ZFR2: variants seen among roughly 807,000 people sequenced by gnomAD.
ZFR2 encodes zinc finger RNA binding protein 2.
ZFR2 carries 104 observed loss-of-function variants against 105.7 expected under a neutral mutation model. The ratio of observed to expected loss-of-function variants is 0.98; its 90% confidence interval spans 0.84 to 1.16. The LOEUF is 1.16. Among genes scored for constraint, ZFR2 ranks in the 50% most tolerant of loss-of-function variants. The probability of loss-of-function intolerance (pLI) is 0.00; values close to 1 mark genes in which losing one functional copy is unlikely to be tolerated. For missense variants in ZFR2, 1,425 were observed against 1,355.5 expected, an observed-to-expected ratio of 1.05 and a Z score of -0.80; for synonymous variants, 634 against 597.7, an observed-to-expected ratio of 1.06 and a Z score of -0.89.
intron 15 of ZFR2, 46 bp downstream of exon 15, chr19:3,811,225 TC>T (rs759760386): frequency 6.7e-7 from 1 of 1,489,070 alleles, no homozygotes; most frequent in South Asian, 1.3e-5. Flanking sequence ...TGAGCTACGT[TC>T]CTCAAAGTCA....
In ZFR2 at chr19:3,808,887, C is replaced by T. The variant is rs749920821; in HGVS notation, c.2530G>A (p.Gly844Arg). 1 of 1,554,570 alleles carries T rather than the reference C, an allele frequency of 6.4e-7. No homozygotes were observed. Among genetic ancestry groups the T allele is most frequent in the South Asian group, 1.2e-5 (1 of 84,484 alleles). ...VRRVLECVAT[G>R]TLLTDGPGLQ... ...AGCGACTGACCTGTCAGGAGCGTCCCTGTGGCCACGCACTCCAGGACTCGC... is the reference window on the plus strand; with the variant it reads ...AGCGACTGACCTGTCAGGAGCGTCCTTGTGGCCACGCACTCCAGGACTCGC... The change falls in exon 17 of 19, where the codon GGG becomes AGG. Residue 844 changes from glycine (G) to arginine (R), a missense_variant. Physicochemically the swap from Gly to Arg is moderately radical, Grantham distance 125 (BLOSUM62 -2). Coordinates refer to ENST00000262961, the MANE Select transcript of ZFR2 (RefSeq NM_015174.2).
chr19:3,832,633 T>TGTG (rs200875785), intron 3 of ZFR2, among the ~76,000 whole-genome samples: 2,322 of 148,182 alleles, frequency 0.016, 57 homozygotes, highest in African/African-American at 0.055. Context: ...ATTTTGTTTT[T>TGTG]TTTTTTTATT....
rs548830152 is a variant in ZFR2 at position 3,834,734 on chromosome 19, C to T, written c.264+39G>A. On this transcript the variant is annotated intron_variant, in intron 2 of 18. Transcript: ENST00000262961. This position sits in a 1 kb window ranked among gnomAD's most constrained non-coding sequence, Gnocchi z 5.3. The stretch of plus-strand genomic sequence containing the variant: ...GCTCTCACCCATGCAAGGCGACCCA[C>T]GTTTCCCGGCAACGCTGGTCAAAGA... The T allele has an allele frequency of 5.2e-5, 83 of 1,599,298 alleles. No individual in the cohort carries two copies. The East Asian group carries it at 1.3e-3, about 25-fold the overall frequency.
chr19:3,811,698 T>A (rs2037766915), intron 14 of ZFR2, among the ~76,000 whole-genome samples: 1 of 151,970 alleles, frequency 6.6e-6, no homozygotes, highest in South Asian at 2.1e-4. Context: ...CAGGTGATCC[T>A]CCCACCTCAG....
In ZFR2 at chr19:3,839,265, G is replaced by T. The variant is rs932858624; in HGVS notation, c.54-4282C>A. Among the ~76,000 whole-genome samples the T allele has an allele frequency of 2.0e-5, 3 of 152,210 alleles. 1 individual carries two copies. Among genetic ancestry groups the T allele is most frequent in the Middle Eastern group, 6.8e-3 (2 of 294 alleles). On this transcript the variant is annotated intron_variant, in intron 1 of 18. Transcript: ENST00000262961. Reference sequence around the variant, plus strand: ...GAAAGTGGTCCAGGCCGGGCACATGGCTCACACCTGTCATCCCAGTACTTT... The same window carrying T: ...GAAAGTGGTCCAGGCCGGGCACATGTCTCACACCTGTCATCCCAGTACTTT...
intron 5 of ZFR2, among the ~76,000 whole-genome samples, chr19:3,830,913 G>A (rs529940954): frequency 3.3e-5 from 5 of 151,614 alleles, no homozygotes; most frequent in South Asian, 2.1e-4. Context: ...ACACACGGGC[G>A]CATGCACACA....
chr19:3,808,396 G>A (rs1245190787), intron 17 of ZFR2, among the ~76,000 whole-genome samples: 4 of 152,220 alleles, frequency 2.6e-5, no homozygotes, highest in Admixed American at 1.3e-4. Flanking sequence ...GTATCTGGCC[G>A]CCACCCTCTC....
At chr19:3,845,394 G>A (rs985592719) in intron 1 of ZFR2, among the ~76,000 whole-genome samples, 6 of 151,676 alleles carry the variant, frequency 4.0e-5, no homozygotes, top group Admixed American at 6.6e-5. Context: ...GGCCGAGGCA[G>A]GAAGATGGCT....
intron 16 of ZFR2, 52 bp from the exon 17 acceptor site, chr19:3,809,035 G>A (rs1033416504): frequency 2.8e-6 from 4 of 1,415,410 alleles, no homozygotes; most frequent in Non-Finnish European, 3.8e-6. Context: ...GGCAGCCCCT[G>A]CCTGCCCGGG....
chr19:3,811,485 C>T (rs2037765025), intron 14 of ZFR2, 119 bp from the exon 15 acceptor site: 1 of 869,382 alleles, frequency 1.2e-6, no homozygotes, highest in East Asian at 2.8e-5. Context: ...GACACAGTTT[C>T]ACTGTGTCAC....
intron 1 of ZFR2, among the ~76,000 whole-genome samples, chr19:3,863,515 C>T (rs1328293147): frequency 6.6e-6 from 1 of 152,120 alleles, no homozygotes; most frequent in East Asian, 1.9e-4. Flanking sequence ...GTAGCTTCAA[C>T]TTCCTGGCCT....
intron 1 of ZFR2, among the ~76,000 whole-genome samples, chr19:3,847,014 C>T (rs1295821549): frequency 6.6e-6 from 1 of 152,230 alleles, no homozygotes; most frequent in Non-Finnish European, 1.5e-5. Flanking sequence ...GGATCTGCTT[C>T]CAAGATGCCT....
Position 3,834,925 on chromosome 19 carries a change from T to C in ZFR2, c.112A>G (p.Thr38Ala), listed in dbSNP as rs1328775367. Residue 38 changes from threonine (T) to alanine (A), a missense_variant, in exon 2 of 19, where the codon ACT becomes GCT. Thr to Ala is a moderately conservative substitution (Grantham distance 58). Coordinates refer to ENST00000262961, the MANE Select transcript of ZFR2 (RefSeq NM_015174.2). The surrounding 1 kb of genome is among the most constrained non-coding windows in gnomAD (Gnocchi z 5.3). ...TVGASYTAQP[T>A]PGMDPAVNPA... ...TTCACGGCAGGGTCCATCCCAGGAG[T>C]GGGTTGTGCAGTATAGCTGGCCCCC... The C allele has an allele frequency of 1.2e-6, 2 of 1,611,162 alleles. No homozygotes were observed. Among genetic ancestry groups the C allele is most frequent in the Non-Finnish European group, 1.7e-6 (2 of 1,178,934 alleles).
At chr19:3,837,190 T>G (rs1414508572) in intron 1 of ZFR2, among the ~76,000 whole-genome samples, 1 of 152,128 alleles carries the variant, frequency 6.6e-6, no homozygotes, top group East Asian at 1.9e-4. Context: ...CAGGTTGGAG[T>G]GCAGTGGTGC....
At chr19:3,840,830 T>C (rs1294554104) in intron 1 of ZFR2, among the ~76,000 whole-genome samples, 8 of 152,302 alleles carry the variant, frequency 5.3e-5, no homozygotes, top group Non-Finnish European at 1.2e-4. Flanking sequence ...GGCTGAGCAC[T>C]TAAAATATGG....
chr19:3,807,791 CCT>C (rs1323806186), intron 17 of ZFR2, among the ~76,000 whole-genome samples: 1 of 145,602 alleles, frequency 6.9e-6, no homozygotes, highest in Non-Finnish European at 1.5e-5. Flanking sequence ...TGCATGTGCG[CCT>C]GTGTGTGCAA....
chr19:3,855,492 C>A, intron 1 of ZFR2: 1 of 1,217,032 alleles, frequency 8.2e-7, no homozygotes, highest in Non-Finnish European at 1.0e-6. Flanking sequence ...TGGGGACCAG[C>A]TGCTGTCATG....
intron 13 of ZFR2, among the ~76,000 whole-genome samples, chr19:3,816,340 G>A (rs1184825169): frequency 6.6e-6 from 1 of 151,662 alleles, no homozygotes; most frequent in Non-Finnish European, 1.5e-5. Flanking sequence ...CTGCCTCCGG[G>A]ATTTAAGTGA....
chr19:3,825,356 C>T lies in ZFR2; in HGVS notation c.1087G>A (p.Ala363Thr). 1.3e-6 allele frequency: 2 copies of T among 1,591,986 alleles called. No homozygotes were observed. Among genetic ancestry groups the T allele is most frequent in the Non-Finnish European group, 8.5e-7 (1 of 1,171,490 alleles). The change falls in exon 7 of 19, where the codon GCA becomes ACA. Residue 363 changes from alanine (A) to threonine (T), a missense_variant. By Grantham distance (58) the Ala-to-Thr change is moderately conservative. Coordinates refer to ENST00000262961, the MANE Select transcript of ZFR2 (RefSeq NM_015174.2). Reference protein sequence around the residue: ...LGKPIPTLEPALATESPPGAE... With the variant: ...LGKPIPTLEPTLATESPPGAE... ...CCGGGGGGGCTCTCTGTGGCCAGTG[C>T]AGGCTCGAGGGTGGGAATGGGCTTC...
Sources: gnomAD v4.1 joint callset for allele counts (sites outside exome capture counted in the v4.1 genomes callset) on GRCh38, gnomAD v4.1.1 for gene constraint, Gnocchi (gnomAD v3.1) non-coding constraint, MANE v1.5 for transcripts, NCBI Gene and HGNC (gene_info 2026-07-23, HGNC 2026-07-21) for gene names.